Variants in RPS6KB1 observed in about 807,000 individuals in gnomAD.
RPS6KB1 encodes the protein ribosomal protein S6 kinase beta-1.
In RPS6KB1, 12 loss-of-function variants were observed where a neutral mutation model predicts 70.2. The observed-to-expected ratio is 0.17, with a 90% confidence interval of 0.11 to 0.28. The LOEUF (loss-of-function observed/expected upper bound fraction) is 0.28, where lower values mean the gene tolerates loss of function less well. Among genes scored for constraint, RPS6KB1 ranks in the 10% least tolerant of loss-of-function variants. RPS6KB1 has a pLI of 1.00. For missense variants in RPS6KB1, 270 were observed against 646.6 expected (o/e 0.42, Z 6.32); for synonymous variants, 175 against 211.2 (o/e 0.83, Z 1.49).
At chr17:59,938,198 G>C (rs1295788441) in intron 12 of RPS6KB1, among the ~76,000 whole-genome samples, 1 of 143,334 alleles carries the variant, frequency 7.0e-6, no homozygotes, top group Non-Finnish European at 1.5e-5. Context: ...GGGGGGATAG[G>C]GTCTTTCTCT....
At position 59,936,288 on chromosome 17, in the gene RPS6KB1, G is replaced by C; in HGVS notation, c.1041+11G>C. On this transcript the variant is annotated intron_variant, in intron 11 of 14. Transcript: ENST00000225577. Reference sequence around the variant, plus strand: ...GCTGGAGAAGTTCAAGTAGGGATTGGCATCTTTGGTGTTTTGTGGGGAAGA... The same window carrying C: ...GCTGGAGAAGTTCAAGTAGGGATTGCCATCTTTGGTGTTTTGTGGGGAAGA... The C allele has an allele frequency of 1.3e-6, 2 of 1,591,140 alleles. No homozygotes were observed. The highest frequency in any genetic ancestry group is 1.2e-5 in the South Asian group (1 of 86,374).
chr17:59,918,530 T>A (rs1385311446), intron 4 of RPS6KB1, among the ~76,000 whole-genome samples: 1 of 151,852 alleles, frequency 6.6e-6, no homozygotes, highest in African/African-American at 2.4e-5. Context: ...CTACCACACC[T>A]GGCTAATTTT....
chr17:59,923,532 A>G (rs1185001501), intron 4 of RPS6KB1, among the ~76,000 whole-genome samples: 4 of 151,518 alleles, frequency 2.6e-5, no homozygotes, highest in African/African-American at 4.9e-5. Flanking sequence ...TATTTTTGAG[A>G]TGGAGTCTCG....
chr17:59,945,597 G>C, intron 14 of RPS6KB1, 79 bp downstream of exon 14: 1 of 750,622 alleles, frequency 1.3e-6, no homozygotes, highest in South Asian at 1.6e-5. Context: ...TTTATGCCAA[G>C]TTATATAAAT....
chr17:59,921,426 C>G (rs1203050339), intron 4 of RPS6KB1, among the ~76,000 whole-genome samples: 1 of 152,004 alleles, frequency 6.6e-6, no homozygotes, highest in African/African-American at 2.4e-5. Flanking sequence ...TTTCTAAATC[C>G]CCAAGTAAGA....
chr17:59,907,817 G>A (rs2042359792), intron 1 of RPS6KB1, among the ~76,000 whole-genome samples: 2 of 152,080 alleles, frequency 1.3e-5, no homozygotes, highest in African/African-American at 2.4e-5. Flanking sequence ...GCCACTGTAC[G>A]TGCCATAAAT....
intron 5 of RPS6KB1, among the ~76,000 whole-genome samples, chr17:59,928,045 C>A (rs1383507194): frequency 6.6e-6 from 1 of 151,670 alleles, no homozygotes; most frequent in African/African-American, 2.4e-5. Flanking sequence ...GTAATCCCAG[C>A]TACTCGGGAG....
Position 59,934,958 on chromosome 17 carries a change from G to C in RPS6KB1, c.871-235G>C. The C allele has an allele frequency of 2.4e-6, 1 of 412,660 alleles. No homozygotes were observed. Among genetic ancestry groups the C allele is most frequent in the Non-Finnish European group, 4.4e-6 (1 of 227,594 alleles). The allele number at this position is 412,660 out of a possible 1,614,324, so 25.6% of individuals were successfully genotyped here. On this transcript the variant is annotated intron_variant, in intron 9 of 14. Coordinates refer to ENST00000225577, the MANE Select transcript of RPS6KB1 (RefSeq NM_003161.4). This position sits in a 1 kb window ranked among gnomAD's most constrained non-coding sequence, Gnocchi z 4.8. Reference sequence around the variant, plus strand: ...CCTAAGCTACTCAGGAGGCTGAGGTGGGAGGATCATTTGAGCTAAGGATTA... The same window carrying C: ...CCTAAGCTACTCAGGAGGCTGAGGTCGGAGGATCATTTGAGCTAAGGATTA...
At chr17:59,909,786 G>A (rs1036101391) in intron 1 of RPS6KB1, among the ~76,000 whole-genome samples, 2 of 151,936 alleles carry the variant, frequency 1.3e-5, no homozygotes, top group African/African-American at 4.8e-5. Context: ...GGCTGAGGTG[G>A]GCAGATCACA....
intron 6 of RPS6KB1, 158 bp downstream of exon 6, chr17:59,930,332 A>G: frequency 1.5e-6 from 1 of 672,616 alleles, no homozygotes; most frequent in Non-Finnish European, 2.7e-6. Flanking sequence ...GCAGCTATGG[A>G]GGTCACATCA....
intron 12 of RPS6KB1, among the ~76,000 whole-genome samples, 162 bp downstream of exon 12, chr17:59,936,703 G>C (rs867855061): frequency 6.6e-6 from 1 of 152,204 alleles, no homozygotes; most frequent in Non-Finnish European, 1.5e-5. Flanking sequence ...AAAGTTAGCT[G>C]GGTGTGGCGG....
intron 4 of RPS6KB1, among the ~76,000 whole-genome samples, chr17:59,924,297 C>G (rs560945561): frequency 7.7e-4 from 117 of 151,946 alleles, no homozygotes; most frequent in Middle Eastern, 3.4e-3. Flanking sequence ...CCACTGCACT[C>G]CAGCCTGGGT....
Position 59,949,346 on chromosome 17 carries a change from TATG to T in RPS6KB1, c.*2562_*2564del, listed in dbSNP as rs1293112734. 6.5e-6 allele frequency: 1 copy of T among 152,722 alleles called. No homozygotes were observed. Among genetic ancestry groups the T allele is most frequent in the African/African-American group, 2.4e-5 (1 of 41,568 alleles). The allele number at this position is 152,722 out of a possible 1,614,324, so 9.5% of individuals were successfully genotyped here. On this transcript the variant is annotated 3_prime_UTR_variant, in exon 15 of 15. Coordinates refer to ENST00000225577, the MANE Select transcript of RPS6KB1 (RefSeq NM_003161.4). ...GTAAAAATCCAAGCATAGTTTAAAA[TATG>T]ATGTCGATATTACTAGTCTTGAGTT...
At chr17:59,921,201 G>A (rs563359248) in intron 4 of RPS6KB1, among the ~76,000 whole-genome samples, 1 of 152,150 alleles carries the variant, frequency 6.6e-6, no homozygotes, top group Middle Eastern at 3.4e-3. Flanking sequence ...CTTAATTACT[G>A]CTAAGTGTCA....
intron 4 of RPS6KB1, among the ~76,000 whole-genome samples, chr17:59,921,183 T>A (rs1290673092): frequency 1.3e-5 from 2 of 152,076 alleles, no homozygotes; most frequent in African/African-American, 4.8e-5. Context: ...TATTGGGAAA[T>A]CCATAGACTT....
intron 4 of RPS6KB1, among the ~76,000 whole-genome samples, chr17:59,918,815 A>G (rs2043108779): frequency 6.9e-6 from 1 of 144,872 alleles, no homozygotes; most frequent in African/African-American, 2.5e-5. Context: ...GTCTGGTGTC[A>G]TTCACTGATT....
At chr17:59,931,475 GC>G (rs1378265244) in intron 6 of RPS6KB1, 146 bp from the exon 7 acceptor site, 2 of 630,172 alleles carry the variant, frequency 3.2e-6, no homozygotes, top group African/African-American at 3.7e-5. Context: ...AGCATCCTAT[GC>G]CATCTCTTTT....
chr17:59,919,965 C>T (rs1437618336), intron 4 of RPS6KB1, among the ~76,000 whole-genome samples: 1 of 152,192 alleles, frequency 6.6e-6, no homozygotes, highest in African/African-American at 2.4e-5. Context: ...ACATCATGGA[C>T]CATTGCTTTA....
In RPS6KB1 at chr17:59,947,308, A is replaced by G; in HGVS notation, c.*520A>G. ...AACAACCTGAATCTTTTTTTTATAT[A>G]AATATATATTTTTCAAATAGATTTT... is the stretch of plus-strand genomic sequence containing the variant. On this transcript the variant is annotated 3_prime_UTR_variant, in exon 15 of 15. Coordinates refer to ENST00000225577, the MANE Select transcript of RPS6KB1 (RefSeq NM_003161.4). The G allele has an allele frequency of 1.0e-6, 1 of 1,004,750 alleles. No individual in the cohort carries two copies. Among genetic ancestry groups the G allele is most frequent in the Non-Finnish European group, 1.2e-6 (1 of 824,180 alleles). 62.2% of individuals were successfully genotyped at this position (1,004,750 alleles called of 1,614,324 possible). A position where few individuals can be genotyped will look rare whatever the true frequency, so the allele number is the denominator to read the frequency against.
Sources: allele counts gnomAD v4.1 joint callset (sites outside exome capture counted in the v4.1 genomes callset), GRCh38; gene constraint gnomAD v4.1.1; non-coding constraint Gnocchi (gnomAD v3.1); transcripts MANE v1.5; gene names NCBI Gene and HGNC (gene_info 2026-07-23, HGNC 2026-07-21).